BICC1: variants seen among roughly 807,000 people sequenced by gnomAD.
BICC1 encodes BicC family RNA binding protein 1.
BICC1 carries 43 observed loss-of-function variants against 111.0 expected under a neutral mutation model. The ratio of observed to expected loss-of-function variants is 0.39; its 90% CI spans 0.30 to 0.50. The LOEUF is 0.50. Ranked by LOEUF, BICC1 falls within the 20% of genes least tolerant of loss-of-function variation. The probability of loss-of-function intolerance (pLI) is 0.88; values close to 1 mark genes in which losing one functional copy is unlikely to be tolerated. For missense variants in BICC1, 1,091 were observed against 1,203.2 expected (o/e 0.91, Z 1.38); for synonymous variants, 467 against 434.4 (o/e 1.07, Z -0.93).
intron 13 of BICC1, among the ~76,000 whole-genome samples, 190 bp downstream of exon 13, chr10:58,800,516 C>T (rs1843510054): frequency 6.6e-6 from 1 of 152,172 alleles, no homozygotes; most frequent in African/African-American, 2.4e-5. Flanking sequence ...CTGAAAAGCA[C>T]TTTCCACAGA....
intron 5 of BICC1, 94 bp from the exon 6 acceptor site, chr10:58,788,276 A>AT: frequency 3.3e-6 from 3 of 913,864 alleles, no homozygotes; most frequent in Non-Finnish European, 5.2e-6. Flanking sequence ...TTGTCCCTGG[A>AT]TGACACTTTT....
intron 17 of BICC1, among the ~76,000 whole-genome samples, chr10:58,813,361 G>A (rs1843974805): frequency 6.6e-6 from 1 of 152,090 alleles, no homozygotes; most frequent in Non-Finnish European, 1.5e-5. Flanking sequence ...TAACACAGGG[G>A]AAATGACAGC....
At chr10:58,701,239 A>G (rs1840225457) in intron 2 of BICC1, among the ~76,000 whole-genome samples, 4 of 152,038 alleles carry the variant, frequency 2.6e-5, no homozygotes, top group African/African-American at 7.2e-5. Context: ...TGCTGTTTGC[A>G]TATTGGTTAG....
chr10:58,800,099 T>C, intron 12 of BICC1, 95 bp from the exon 13 acceptor site: 1 of 1,001,912 alleles, frequency 1.0e-6, no homozygotes, highest in Non-Finnish European at 1.4e-6. Flanking sequence ...GGTGGTTTTC[T>C]TTTTCGTGGC....
chr10:58,652,596 A>G (rs183138435), intron 2 of BICC1, among the ~76,000 whole-genome samples: 13 of 152,282 alleles, frequency 8.5e-5, no homozygotes, highest in Admixed American at 2.6e-4. Context: ...GAAATTATAC[A>G]TCATTATCCA....
Position 58,828,785 on chromosome 10 carries a change from T to G in BICC1, c.2819T>G (p.Leu940Arg). Residue 940 changes from leucine (L) to arginine (R), a missense_variant, in exon 21 of 21, where the codon CTT (leucine) becomes CGT (arginine). By Grantham distance (102) the Leu-to-Arg change is moderately radical. Coordinates refer to ENST00000373886, the MANE Select transcript of BICC1 (RefSeq NM_001080512.3). ...GAACTAAATAAAAACCGAAGAAAGC[T>G]TTTTGAATCGCCAAATGCACGCACC... ...ISELNKNRRK[L>R]FESPNARTSF... The G allele has an allele frequency of 6.2e-7, 1 of 1,613,708 alleles. No homozygotes were observed. The highest frequency in any genetic ancestry group is 8.5e-7 in the Non-Finnish European group (1 of 1,179,758).
intron 3 of BICC1, among the ~76,000 whole-genome samples, chr10:58,723,719 T>G (rs1448021560): frequency 1.3e-5 from 2 of 152,192 alleles, no homozygotes; most frequent in African/African-American, 2.4e-5. Flanking sequence ...TCTAGCTTGT[T>G]GCCTGTGGGG....
At chr10:58,716,524 C>G (rs1015300506) in intron 3 of BICC1, among the ~76,000 whole-genome samples, 2 of 152,134 alleles carry the variant, frequency 1.3e-5, no homozygotes, top group East Asian at 1.9e-4. Flanking sequence ...AGATAATACA[C>G]TGCAGTCATA....
At chr10:58,624,192 G>A (rs1845914192) in intron 2 of BICC1, among the ~76,000 whole-genome samples, 1 of 152,116 alleles carries the variant, frequency 6.6e-6, no homozygotes, top group Non-Finnish European at 1.5e-5. Flanking sequence ...TTCTCTGTGT[G>A]CCTGTCTCTA....
intron 2 of BICC1, among the ~76,000 whole-genome samples, chr10:58,695,536 C>T (rs1240591116): frequency 1.3e-5 from 2 of 152,148 alleles, no homozygotes; most frequent in South Asian, 2.1e-4. Context: ...GTTCAGTGTT[C>T]TTTTCCTGGT....
chr10:58,691,502 T>G (rs1839906933), intron 2 of BICC1, among the ~76,000 whole-genome samples: 1 of 152,054 alleles, frequency 6.6e-6, no homozygotes, highest in Admixed American at 6.6e-5. Flanking sequence ...ACCACGAAAA[T>G]TGTCTTTGGT....
intron 1 of BICC1, among the ~76,000 whole-genome samples, chr10:58,603,498 G>A (rs965298997): frequency 6.6e-6 from 1 of 152,162 alleles, no homozygotes; most frequent in Non-Finnish European, 1.5e-5. Flanking sequence ...TGAGCACCCC[G>A]CTACCTCTAT....
chr10:58,678,286 T>C (rs1238281665), intron 2 of BICC1, among the ~76,000 whole-genome samples: 3 of 152,162 alleles, frequency 2.0e-5, no homozygotes, highest in African/African-American at 7.2e-5. Context: ...ATCAGTGTGC[T>C]GTACTCAGGA....
chr10:58,806,641 AACTTAC>A lies in BICC1; in HGVS notation c.2221+23_2221+28del, dbSNP rs1416483211. ...CACCAAAGGTATGTAATACACTAATAACTTACACTTGACTATATTTTAGTACACTCA... is the reference window on the plus strand; with the variant it reads ...CACCAAAGGTATGTAATACACTAATAACTTGACTATATTTTAGTACACTCA... On this transcript the variant is annotated intron_variant, in intron 16 of 20. Transcript: ENST00000373886. 2 of 1,588,680 alleles carry A rather than the reference AACTTAC, an allele frequency of 1.3e-6. No individual in the cohort carries two copies. Among genetic ancestry groups the A allele is most frequent in the Non-Finnish European group, 1.7e-6 (2 of 1,157,858 alleles).
chr10:58,649,338 G>A (rs1379169047), intron 2 of BICC1, among the ~76,000 whole-genome samples: 2 of 152,158 alleles, frequency 1.3e-5, no homozygotes, highest in African/African-American at 2.4e-5. Flanking sequence ...CCGCAGTGTA[G>A]CATAAGTCAA....
At chr10:58,672,621 T>TGA (rs1360264524) in intron 2 of BICC1, among the ~76,000 whole-genome samples, 2 of 152,200 alleles carry the variant, frequency 1.3e-5, no homozygotes, top group Non-Finnish European at 2.9e-5. Flanking sequence ...TTTGACAGTT[T>TGA]GTTTCCCTGT....
chr10:58,592,661 G>A lies in BICC1; in HGVS notation c.191-28194G>A, dbSNP rs994798394. ...ACCCAGGAGGCGGAGGTAGCAGTGA[G>A]CCAAGATCATGCTACTGCACGCCAG... On this transcript the variant is annotated intron_variant, in intron 1 of 20. Coordinates refer to ENST00000373886, the MANE Select transcript of BICC1 (RefSeq NM_001080512.3). Among the ~76,000 whole-genome samples, 10 of 151,378 alleles carry A rather than the reference G, an allele frequency of 6.6e-5. No individual in the cohort carries two copies. The East Asian group carries it at 2.0e-3, about 30-fold the overall frequency.
chr10:58,601,128 T>G (rs1845010380), intron 1 of BICC1, among the ~76,000 whole-genome samples: 1 of 67,562 alleles, frequency 1.5e-5, no homozygotes, highest in African/African-American at 4.5e-5. Context: ...TTTTAGGCAG[T>G]CATTTTAAAA....
intron 3 of BICC1, among the ~76,000 whole-genome samples, chr10:58,728,001 G>A (rs991310428): frequency 6.6e-6 from 1 of 152,228 alleles, no homozygotes; most frequent in African/African-American, 2.4e-5. Flanking sequence ...GATCATCTGA[G>A]CTTTCAGTGA....
Sources: allele counts gnomAD v4.1 joint callset (sites outside exome capture counted in the v4.1 genomes callset), GRCh38; gene constraint gnomAD v4.1.1; transcripts MANE v1.5; gene names NCBI Gene and HGNC (gene_info 2026-07-23, HGNC 2026-07-21).